CIT: variants seen among roughly 807,000 people sequenced by gnomAD.
The protein encoded by CIT is citron Rho-interacting kinase.
Under a neutral mutation model 272.7 loss-of-function variants are expected in CIT, and 79 were observed. That is an observed-to-expected ratio of 0.29 (90% CI 0.24 to 0.35). CIT has a LOEUF of 0.35. Among genes scored for constraint, CIT ranks in the 10% least tolerant of loss-of-function variants. The probability of loss-of-function intolerance (pLI) is 1.00; values close to 1 mark genes in which losing one functional copy is unlikely to be tolerated. For synonymous variants in CIT, 948 were observed against 995.6 expected (o/e 0.95, Z 0.90); for missense variants, 1,909 against 2,618.3 (o/e 0.73, Z 5.91).
intron 19 of CIT, among the ~76,000 whole-genome samples, chr12:119,763,879 T>A (rs552334159): frequency 6.6e-6 from 1 of 152,320 alleles, no homozygotes; most frequent in South Asian, 2.1e-4. Context: ...AATAGCATAG[T>A]GGGCTACATG....
At chr12:119,822,638 A>T (rs552162905) in intron 9 of CIT, among the ~76,000 whole-genome samples, 182 bp downstream of exon 9, 1 of 152,358 alleles carries the variant, frequency 6.6e-6, no homozygotes, top group South Asian at 2.1e-4. Flanking sequence ...CTACACAAAC[A>T]ATTTTAAGGC....
intron 5 of CIT, among the ~76,000 whole-genome samples, chr12:119,848,332 G>A (rs1185991607): frequency 2.6e-5 from 4 of 152,126 alleles, no homozygotes; most frequent in Non-Finnish European, 5.9e-5. Context: ...CCCCAAAAAC[G>A]GGCCAGTAGA....
intron 10 of CIT, among the ~76,000 whole-genome samples, chr12:119,787,346 G>A (rs141974432): frequency 1.1e-3 from 168 of 151,954 alleles, no homozygotes; most frequent in African/African-American, 3.7e-3. Flanking sequence ...TGGGAGGATC[G>A]CTCGAGCCCA....
chr12:119,816,285 G>T (rs1967178330), intron 9 of CIT, among the ~76,000 whole-genome samples: 1 of 152,090 alleles, frequency 6.6e-6, no homozygotes, highest in Non-Finnish European at 1.5e-5. Context: ...GCAGAGATTA[G>T]GTCAAACCAC....
At chr12:119,749,568 G>A (rs278129) in intron 23 of CIT, among the ~76,000 whole-genome samples, 115,424 of 152,114 alleles carry the variant, frequency 0.76, 44,086 homozygotes, top group Middle Eastern at 0.88. Flanking sequence ...GAAGCAAATG[G>A]AAATGGAGTT....
At chr12:119,862,824 AAAAAAAAAAAAAAAAAGAAAAAACC>A (rs1950387497) in intron 3 of CIT, among the ~76,000 whole-genome samples, 3 of 135,388 alleles carry the variant, frequency 2.2e-5, no homozygotes, top group African/African-American at 9.1e-5. Context: ...AAAAAAAAAA[AAAAAAAAAAAAAAAAAGAAAAAACC>A]AAAAAAAAAA....
At chr12:119,834,867 T>TA (rs1566106250) in intron 5 of CIT, among the ~76,000 whole-genome samples, 1 of 152,200 alleles carries the variant, frequency 6.6e-6, no homozygotes. Context: ...ATCCATCAGT[T>TA]AGAGACTGGC....
Position 119,712,153 on chromosome 12 carries a change from C to A in CIT, c.4854+25G>T. ...AGTCAGCCCCCTTTACAAAGACAACCTCCAGGGCCCGCTTTCATACTCACA... is the reference window on the plus strand; with the variant it reads ...AGTCAGCCCCCTTTACAAAGACAACATCCAGGGCCCGCTTTCATACTCACA... On this transcript the variant is annotated intron_variant, in intron 37 of 47. Coordinates refer to ENST00000392521, the MANE Select transcript of CIT (RefSeq NM_001206999.2). The surrounding 1 kb of genome is among the most constrained non-coding windows in gnomAD (Gnocchi z 5.2). 7.1e-6 allele frequency: 11 copies of A among 1,557,326 alleles called. No individual in the cohort carries two copies. Among genetic ancestry groups the A allele is most frequent in the Non-Finnish European group, 9.6e-6 (11 of 1,151,088 alleles).
chr12:119,708,189 C>A lies in CIT; in HGVS notation c.5201G>T (p.Gly1734Val). ...FEAVKGCHLF[G>V]AGKIENGLCI... is the part of the protein sequence containing the mutation. The stretch of plus-strand genomic sequence containing the variant: ...CTGAGGGGAGCTTACCTTGCCTGCC[C>A]CAAACAAGTGGCAGCCCTTGACAGC... The change falls in exon 40 of 48, where the codon GGG becomes GTG. Residue 1734 changes from glycine to valine, a missense_variant. Gly to Val is a moderately radical substitution (Grantham distance 109). Transcript: ENST00000392521. 6.3e-7 allele frequency: 1 copy of A among 1,582,614 alleles called. No individual in the cohort carries two copies. Among genetic ancestry groups the A allele is most frequent in the Non-Finnish European group, 8.6e-7 (1 of 1,164,440 alleles).
chr12:119,873,433 A>C (rs897823220), intron 2 of CIT, among the ~76,000 whole-genome samples: 2 of 151,742 alleles, frequency 1.3e-5, no homozygotes, highest in Non-Finnish European at 2.9e-5. Context: ...ACACACCATC[A>C]CAGTCAGCTA....
intron 7 of CIT, among the ~76,000 whole-genome samples, chr12:119,829,014 G>A (rs1178511044): frequency 6.6e-6 from 1 of 151,796 alleles, no homozygotes; most frequent in Non-Finnish European, 1.5e-5. Context: ...AGGAAAGGGG[G>A]GAAGAACTGA....
chr12:119,776,767 G>C lies in CIT; in HGVS notation c.1741C>G (p.Arg581Gly), dbSNP rs757102339. ...LEEDLVSARR[R>G]SDLYESELRE... Reference sequence around the variant, plus strand: ...AGCTCAGATTCGTAGAGATCACTCCGTCTTCTTGCTGAGACAAGATCCTCT... The same window carrying C: ...AGCTCAGATTCGTAGAGATCACTCCCTCTTCTTGCTGAGACAAGATCCTCT... The change falls in exon 14 of 48, where the codon CGG becomes GGG. Residue 581 changes from arginine (R) to glycine (G), a missense_variant. Coordinates refer to ENST00000392521, the MANE Select transcript of CIT (RefSeq NM_001206999.2). The C allele has an allele frequency of 6.2e-7, 1 of 1,614,030 alleles. No individual in the cohort carries two copies. Among genetic ancestry groups the C allele is most frequent in the East Asian group, 2.2e-5 (1 of 44,876 alleles).
At chr12:119,791,819 A>T (rs1965335066) in intron 10 of CIT, among the ~76,000 whole-genome samples, 1 of 152,262 alleles carries the variant, frequency 6.6e-6, no homozygotes, top group Admixed American at 6.5e-5. Context: ...ATAGAAGCCC[A>T]AAGAGTATTA....
rs114130631 is a variant in CIT at position 119,801,608 on chromosome 12, G to A, written c.1295+1598C>T. 3.4e-3 allele frequency among the ~76,000 whole-genome samples: 510 copies of A among 152,236 alleles called. 1 individual carries two copies. The highest frequency in any genetic ancestry group is 0.011 in the African/African-American group (474 of 41,542). ...CTAGAACTCTCCACACGTCCTTCCA[G>A]TACGACGTGTGACCTTCAGTGTGCT... On this transcript the variant is annotated intron_variant, in intron 10 of 47. Coordinates refer to ENST00000392521, the MANE Select transcript of CIT (RefSeq NM_001206999.2).
At chr12:119,823,984 A>G (rs1401074338) in intron 8 of CIT, among the ~76,000 whole-genome samples, 2 of 132,976 alleles carry the variant, frequency 1.5e-5, no homozygotes, top group African/African-American at 5.7e-5. Flanking sequence ...GGTTGCAGTG[A>G]GCCGATATTG....
rs745652897 is a variant in CIT, at chr12:119,825,329, C to G, written c.793G>C (p.Ala265Pro). 8 of 1,614,006 alleles carry G rather than the reference C, an allele frequency of 5.0e-6. No individual in the cohort carries two copies. The highest frequency in any genetic ancestry group is 5.9e-6 in the Non-Finnish European group (7 of 1,180,024). Residue 265 changes from alanine to proline, a missense_variant, in exon 8 of 48, where the codon GCT (alanine) becomes CCT (proline). Coordinates refer to ENST00000392521, the MANE Select transcript of CIT (RefSeq NM_001206999.2). ...KLPIGTPDYM[A>P]PEVLTVMNGD... ...TTCATCACAGTCAGCACTTCAGGAG[C>G]CATGTAATCTGGGGTCCCAATCGGG...
At chr12:119,877,164 C>G (rs1284600166) in intron 1 of CIT, 85 bp downstream of exon 1, 1 of 152,280 alleles carries the variant, frequency 6.6e-6, no homozygotes, top group Non-Finnish European at 1.5e-5. Context: ...GGAGGGAAAC[C>G]CGGGACTTGT....
chr12:119,827,570 T>A (rs770570800), intron 7 of CIT, among the ~76,000 whole-genome samples: 4 of 152,084 alleles, frequency 2.6e-5, no homozygotes, highest in Non-Finnish European at 5.9e-5. Context: ...CTCGAGTAAC[T>A]GCGACTACAG....
At chr12:119,729,469 C>T (rs1384517321) in intron 27 of CIT, among the ~76,000 whole-genome samples, 2 of 152,144 alleles carry the variant, frequency 1.3e-5, no homozygotes, top group East Asian at 3.9e-4. Context: ...GTAGGTACTT[C>T]CATGCAATTT....
Sources: gnomAD v4.1 joint callset for allele counts (sites outside exome capture counted in the v4.1 genomes callset) on GRCh38, gnomAD v4.1.1 for gene constraint, Gnocchi (gnomAD v3.1) non-coding constraint, MANE v1.5 for transcripts, NCBI Gene and HGNC (gene_info 2026-07-23, HGNC 2026-07-21) for gene names.